The following MYOCD variants were observed in gnomAD, a reference collection of about 807,000 sequenced individuals.
MYOCD encodes myocardin.
Under a neutral mutation model 96.1 loss-of-function variants are expected in MYOCD, and 32 were observed. The observed-to-expected ratio is 0.33, with a 90% confidence interval of 0.25 to 0.45. The LOEUF is 0.45. Ranked by LOEUF, MYOCD falls within the 20% of genes least tolerant of loss-of-function variation. The pLI is 1.00. For synonymous variants in MYOCD, 469 were observed against 469.0 expected (o/e 1.00, Z 0.00); for missense variants, 1,133 against 1,200.6 (o/e 0.94, Z 0.83).
intron 8 of MYOCD, 40 bp downstream of exon 8, chr17:12,744,476 G>T (rs762982611): frequency 5.1e-6 from 8 of 1,558,930 alleles, no homozygotes; most frequent in African/African-American, 1.4e-5. Context: ...GTGGGCAGAG[G>T]TTGGGAAGGG....
intron 1 of MYOCD, among the ~76,000 whole-genome samples, chr17:12,693,163 A>G (rs1423515860): frequency 1.3e-5 from 2 of 152,194 alleles, no homozygotes; most frequent in Non-Finnish European, 2.9e-5. Context: ...TGATTATAGA[A>G]TATTAAGGGA....
At chr17:12,752,327 T>C (rs748277654) in intron 9 of MYOCD, 87 bp from the exon 10 acceptor site, 10 of 1,151,450 alleles carry the variant, frequency 8.7e-6, no homozygotes, top group Non-Finnish European at 1.1e-5. Context: ...ATTCCATTTG[T>C]GATGTTTTGA....
rs983169242 is a variant in MYOCD at position 12,717,341 on chromosome 17, T to C, written c.178-5T>C. The C allele has an allele frequency of 6.2e-7, 1 of 1,613,326 alleles. No homozygotes were observed. The highest frequency in any genetic ancestry group is 1.3e-5 in the African/African-American group (1 of 74,928). The stretch of plus-strand genomic sequence containing the variant: ...TAGGTGATTTCTCTTGTTTGGGTTC[T>C]ACAGGCTAAAAATTCCCTGAAGCGC... On this transcript the variant is annotated splice_polypyrimidine_tract_variant and splice_region_variant and intron_variant, in intron 3 of 13. Transcript: ENST00000425538.
chr17:12,712,709 A>G (rs565469763), intron 2 of MYOCD, among the ~76,000 whole-genome samples: 6 of 152,370 alleles, frequency 3.9e-5, no homozygotes, highest in Admixed American at 2.0e-4. Flanking sequence ...GTGAGGAGCC[A>G]TTAATCTTCC....
At chr17:12,735,788 G>A (rs942152170) in intron 5 of MYOCD, among the ~76,000 whole-genome samples, 2 of 152,140 alleles carry the variant, frequency 1.3e-5, no homozygotes, top group African/African-American at 2.4e-5. Context: ...CGAGGGACAC[G>A]GGCGCATGCT....
At chr17:12,754,722 A>C (rs1445499511) in intron 10 of MYOCD, among the ~76,000 whole-genome samples, 1 of 152,242 alleles carries the variant, frequency 6.6e-6, no homozygotes, top group African/African-American at 2.4e-5. Context: ...CAAGTTGAGA[A>C]AGGTTACATT....
At chr17:12,688,871 T>G (rs746736175) in intron 1 of MYOCD, among the ~76,000 whole-genome samples, 4 of 152,140 alleles carry the variant, frequency 2.6e-5, no homozygotes, top group African/African-American at 4.8e-5. Flanking sequence ...ACTTGGCCTA[T>G]TTCTTGTTTC....
chr17:12,681,354 ACCT>A (rs1910454709), intron 1 of MYOCD, among the ~76,000 whole-genome samples: 1 of 152,186 alleles, frequency 6.6e-6, no homozygotes, highest in Non-Finnish European at 1.5e-5. Flanking sequence ...AAGCTCACAA[ACCT>A]GGCAGCTTTG....
intron 1 of MYOCD, among the ~76,000 whole-genome samples, chr17:12,670,971 T>C (rs1909674896): frequency 6.6e-6 from 1 of 152,194 alleles, no homozygotes; most frequent in Non-Finnish European, 1.5e-5. Flanking sequence ...ACAGCTCCCA[T>C]GCCCTTCCCT....
In MYOCD at chr17:12,763,509, C is replaced by T. The variant is rs761659155; in HGVS notation, c.2826C>T (p.Asp942=). The T allele has an allele frequency of 6.2e-7, 1 of 1,614,016 alleles. No homozygotes were observed. The highest frequency in any genetic ancestry group is 8.5e-7 in the Non-Finnish European group (1 of 1,180,038). ...ESPWETMEWL[D]LTPPNSTPGF... ...CCTGGGAAACCATGGAGTGGCTGGACCTCACTCCGCCAAATTCCACACCAG... is the reference window on the plus strand; with the variant it reads ...CCTGGGAAACCATGGAGTGGCTGGATCTCACTCCGCCAAATTCCACACCAG... The change falls in exon 14 of 14, where the codon GAC becomes GAT. Residue 942 remains aspartate, a synonymous_variant. Transcript: ENST00000425538.
intron 1 of MYOCD, among the ~76,000 whole-genome samples, chr17:12,692,578 C>A (rs1041203452): frequency 6.6e-6 from 1 of 152,186 alleles, no homozygotes; most frequent in African/African-American, 2.4e-5. Context: ...GTCCTTGCCC[C>A]ATCCTGTTGC....
intron 2 of MYOCD, among the ~76,000 whole-genome samples, chr17:12,707,406 A>G (rs1013694835): frequency 2.0e-5 from 3 of 152,134 alleles, no homozygotes; most frequent in African/African-American, 7.2e-5. Context: ...GAAAGCTGAT[A>G]AAAAGCACAC....
chr17:12,723,081 T>C, intron 5 of MYOCD, 73 bp downstream of exon 5: 1 of 1,460,778 alleles, frequency 6.8e-7, no homozygotes, highest in Non-Finnish European at 9.3e-7. Context: ...TCTGACATAC[T>C]AGGATCTTTG....
intron 1 of MYOCD, among the ~76,000 whole-genome samples, chr17:12,687,434 G>A (rs757930042): frequency 3.9e-5 from 6 of 152,158 alleles, no homozygotes; most frequent in African/African-American, 7.2e-5. Context: ...ACTAGAATTC[G>A]TGGACTATTT....
intron 5 of MYOCD, among the ~76,000 whole-genome samples, chr17:12,723,238 T>G (rs2031899439): frequency 1.3e-5 from 2 of 152,182 alleles, no homozygotes; most frequent in Non-Finnish European, 2.9e-5. Context: ...TTTGCTCTAG[T>G]CAGGCAAGTT....
chr17:12,706,242 T>C (rs2031286045), intron 2 of MYOCD: 1 of 152,170 alleles, frequency 6.6e-6, no homozygotes, highest in Admixed American at 6.6e-5. Flanking sequence ...ACAACTCTGT[T>C]AGAGGTTTGT....
intron 1 of MYOCD, among the ~76,000 whole-genome samples, chr17:12,668,891 G>A (rs143767348): frequency 6.6e-6 from 1 of 152,086 alleles, no homozygotes; most frequent in Non-Finnish European, 1.5e-5. Context: ...GATGTGCAGT[G>A]GGACCGGCGG....
At chr17:12,720,395 G>A (rs931438574) in intron 4 of MYOCD, 24 of 152,082 alleles carry the variant, frequency 1.6e-4, no homozygotes, top group African/African-American at 5.3e-4. Flanking sequence ...TAAACCTTCC[G>A]CTCCTAAACC....
intron 1 of MYOCD, among the ~76,000 whole-genome samples, chr17:12,700,995 T>G (rs62058696): frequency 0.16 from 24,980 of 152,156 alleles, 2,112 homozygotes; most frequent in Admixed American, 0.2. Context: ...GTATCAATTT[T>G]GGTAAGCTTT....
Sources: allele counts gnomAD v4.1 joint callset (sites outside exome capture counted in the v4.1 genomes callset), GRCh38; gene constraint gnomAD v4.1.1; transcripts MANE v1.5; gene names NCBI Gene and HGNC (gene_info 2026-07-23, HGNC 2026-07-21).